Variants in RAB5C observed in about 807,000 individuals in gnomAD.
RAB5C encodes ras-related protein Rab-5C.
In RAB5C, 4 loss-of-function variants were observed where a neutral mutation model predicts 25.2. That is an observed-to-expected ratio of 0.16 (90% CI 0.08 to 0.36). The LOEUF (loss-of-function observed/expected upper bound fraction) is 0.36, where lower values mean the gene tolerates loss of function less well. Among genes scored for constraint, RAB5C ranks in the 10% least tolerant of loss-of-function variants. The pLI, the probability that RAB5C is intolerant of heterozygous loss-of-function variation, is 1.00. For missense variants in RAB5C, 199 were observed against 283.8 expected, an observed-to-expected ratio of 0.70 and a Z score of 2.15; for synonymous variants, 100 against 106.4, an observed-to-expected ratio of 0.94 and a Z score of 0.37.
rs1471670674 is a variant in RAB5C at position 42,128,914 on chromosome 17, G to C, written c.167-114C>G. 3.9e-6 allele frequency: 4 copies of C among 1,030,794 alleles called. No individual in the cohort carries two copies. In the African/African-American group the frequency reaches 6.6e-5, roughly 17 times the overall value. The allele number at this position is 1,030,794 out of a possible 1,614,324, so 63.9% of individuals were successfully genotyped here. A position where few individuals can be genotyped will look rare whatever the true frequency, so the allele number is the denominator to read the frequency against. On this transcript the variant is annotated intron_variant, in intron 2 of 5. Transcript: ENST00000346213. ...GAAGCCCACCACTGAGATGGGCACA[G>C]AGAACCCTCAAGCCAGGAGCCAAAG... is the stretch of plus-strand genomic sequence containing the variant.
chr17:42,126,693 C>T, intron 5 of RAB5C, 62 bp downstream of exon 5: 1 of 1,024,880 alleles, frequency 9.8e-7, no homozygotes, highest in Non-Finnish European at 1.5e-6. Flanking sequence ...CCACTCTAGA[C>T]CAGCAGACAG....
chr17:42,141,252 A>G (rs1028484899), intron 1 of RAB5C, among the ~76,000 whole-genome samples: 6 of 152,240 alleles, frequency 3.9e-5, no homozygotes, highest in Admixed American at 2.6e-4. Context: ...CCAAATGTTC[A>G]TAAGACTAGT....
intron 1 of RAB5C, among the ~76,000 whole-genome samples, chr17:42,133,069 T>C (rs1055530005): frequency 6.6e-6 from 1 of 152,232 alleles, no homozygotes; most frequent in African/African-American, 2.4e-5. Flanking sequence ...TAGCTCTAGC[T>C]GGCTCTAGCA....
At chr17:42,133,241 G>A (rs2144070947) in intron 1 of RAB5C, among the ~76,000 whole-genome samples, 1 of 152,304 alleles carries the variant, frequency 6.6e-6, no homozygotes, top group South Asian at 2.1e-4. Flanking sequence ...GCAATGGTCT[G>A]TGGCTGGGGC....
At chr17:42,135,816 G>A (rs915973049) in intron 1 of RAB5C, among the ~76,000 whole-genome samples, 2 of 152,134 alleles carry the variant, frequency 1.3e-5, no homozygotes, top group Admixed American at 1.3e-4. Context: ...TGAGTGTCTC[G>A]TGTACTTCCT....
intron 1 of RAB5C, among the ~76,000 whole-genome samples, chr17:42,154,125 T>C (rs2079690153): frequency 1.3e-5 from 2 of 152,152 alleles, no homozygotes; most frequent in Non-Finnish European, 2.9e-5. Context: ...AGGACAGAGC[T>C]GAGCCTGGAG....
chr17:42,141,864 C>T (rs73311676), intron 1 of RAB5C, among the ~76,000 whole-genome samples: 9,266 of 152,192 alleles, frequency 0.061, 293 homozygotes, highest in African/African-American at 0.083. Flanking sequence ...GGAGCCCCTG[C>T]GCCTTCACTT....
intron 1 of RAB5C, among the ~76,000 whole-genome samples, chr17:42,151,436 CAA>C (rs753167130): frequency 3.8e-5 from 5 of 131,684 alleles, no homozygotes; most frequent in Admixed American, 7.6e-5. Flanking sequence ...GACTCCGACT[CAA>C]AAAAAAAAAA....
At chr17:42,128,934 C>G in intron 2 of RAB5C, 134 bp from the exon 3 acceptor site, 1 of 813,200 alleles carries the variant, frequency 1.2e-6, no homozygotes, top group Non-Finnish European at 1.7e-6. Context: ...AAGCCAGGAG[C>G]CAAAGCAGGC....
intron 1 of RAB5C, among the ~76,000 whole-genome samples, chr17:42,151,878 G>A (rs1022459686): frequency 6.6e-6 from 1 of 152,060 alleles, no homozygotes; most frequent in African/African-American, 2.4e-5. Flanking sequence ...ACAGAGGAGC[G>A]CTAGTGATGA....
intron 1 of RAB5C, among the ~76,000 whole-genome samples, chr17:42,133,502 GGT>G (rs1162735874): frequency 6.6e-6 from 1 of 152,184 alleles, no homozygotes; most frequent in Non-Finnish European, 1.5e-5. Flanking sequence ...GGTTCTCAAC[GGT>G]GTCTGTACAT....
intron 1 of RAB5C, among the ~76,000 whole-genome samples, chr17:42,135,972 A>C (rs2054532679): frequency 6.6e-6 from 1 of 152,190 alleles, no homozygotes; most frequent in Non-Finnish European, 1.5e-5. Flanking sequence ...CTGAGAACCA[A>C]GTGACCCCGC....
At chr17:42,141,322 G>C (rs185370337) in intron 1 of RAB5C, among the ~76,000 whole-genome samples, 1 of 152,316 alleles carries the variant, frequency 6.6e-6, no homozygotes, top group East Asian at 1.9e-4. Context: ...GAAAGCAAGA[G>C]AAATTAAAGG....
At chr17:42,128,423 G>C (rs199911829) in intron 3 of RAB5C, 40 bp from the exon 4 acceptor site, 24 of 1,594,620 alleles carry the variant, frequency 1.5e-5, no homozygotes, top group Admixed American at 8.5e-5. Flanking sequence ...GACAGAGAAG[G>C]CATTCTGCCC....
chr17:42,129,795 G>A (rs1243752270), intron 2 of RAB5C, among the ~76,000 whole-genome samples: 1 of 152,254 alleles, frequency 6.6e-6, no homozygotes, highest in Non-Finnish European at 1.5e-5. Flanking sequence ...CTTGATGTGT[G>A]TGTTAGCCAC....
intron 1 of RAB5C, among the ~76,000 whole-genome samples, chr17:42,151,278 T>C (rs2079669456): frequency 6.6e-6 from 1 of 151,902 alleles, no homozygotes; most frequent in African/African-American, 2.4e-5. Flanking sequence ...CTACTAAAAA[T>C]ACAAAACAAT....
chr17:42,134,570 T>A (rs772062080), intron 1 of RAB5C, among the ~76,000 whole-genome samples: 1 of 152,146 alleles, frequency 6.6e-6, no homozygotes, highest in African/African-American at 2.4e-5. Context: ...AGAGTAAGAC[T>A]CTGTCTCAAA....
At chr17:42,126,676 C>G (rs1368954205) in intron 5 of RAB5C, 79 bp downstream of exon 5, 1 of 793,820 alleles carries the variant, frequency 1.3e-6, no homozygotes, top group Non-Finnish European at 2.0e-6. Flanking sequence ...GAAGGGACCC[C>G]GCAGGCCCAC....
intron 1 of RAB5C, among the ~76,000 whole-genome samples, chr17:42,143,008 T>A (rs960144689): frequency 1.3e-5 from 2 of 152,254 alleles, no homozygotes; most frequent in East Asian, 3.9e-4. Flanking sequence ...CCTCCATAGG[T>A]AAATTCCAAA....
Sources: gnomAD v4.1 joint callset for allele counts (sites outside exome capture counted in the v4.1 genomes callset) on GRCh38, gnomAD v4.1.1 for gene constraint, MANE v1.5 for transcripts, NCBI Gene and HGNC (gene_info 2026-07-23, HGNC 2026-07-21) for gene names.